The following HNF4G variants were observed in gnomAD, a reference collection of about 807,000 sequenced individuals.
The protein encoded by HNF4G is hepatocyte nuclear factor 4 gamma, also known as hepatocyte nuclear factor 4-gamma.
A neutral mutation model predicts 50.9 loss-of-function variants in HNF4G; 21 were observed. The ratio of observed to expected loss-of-function variants is 0.41; its 90% CI spans 0.29 to 0.59. The LOEUF is 0.59. Ranked by LOEUF, HNF4G falls within the 20% of genes least tolerant of loss-of-function variation. HNF4G has a pLI of 0.26. For missense variants in HNF4G, 527 were observed against 559.4 expected (o/e 0.94, Z 0.58); for synonymous variants, 198 against 185.6 (o/e 1.07, Z -0.54).
Position 75,551,443 on chromosome 8 carries a change from C to T in HNF4G, c.438C>T (p.Ser146=). The change falls in exon 4 of 10, where the codon AGC becomes AGT. Residue 146 remains serine (S), a synonymous_variant. Coordinates refer to ENST00000396423, the MANE Select transcript of HNF4G (RefSeq NM_004133.5). Reference sequence around the variant, plus strand: ...CCAGAAGAAGCACATTTGATGGCAGCAACATCCCCTCCATTAACACACTGG... The same window carrying T: ...CCAGAAGAAGCACATTTGATGGCAGTAACATCCCCTCCATTAACACACTGG... ...ISTRRSTFDG[S]NIPSINTLAQ... 1 of 1,613,350 alleles carries T rather than the reference C, an allele frequency of 6.2e-7. No homozygotes were observed. The highest frequency in any genetic ancestry group is 1.3e-5 in the African/African-American group (1 of 74,980).
At chr8:75,536,483 G>GAATT (rs1437123264), upstream of HNF4G, among the ~76,000 whole-genome samples, 2 of 151,822 alleles carry the variant, frequency 1.3e-5, no homozygotes, top group East Asian at 3.9e-4. Context: ...TTAATCTAAT[G>GAATT]TAGCCTTAAT....
Position 75,559,092 on chromosome 8 carries a change from T to A in HNF4G, c.1123+55T>A, listed in dbSNP as rs1432227072. ...TGATTAGAATCACACTAAATATAAG[T>A]TTGACCTACTGATTTTTTTGTCCAT... On this transcript the variant is annotated intron_variant, in intron 8 of 9. Transcript: ENST00000396423. The A allele has an allele frequency of 2.7e-6, 3 of 1,127,826 alleles. No homozygotes were observed. The East Asian group carries it at 7.0e-5, about 26-fold the overall frequency. 69.9% of individuals were successfully genotyped at this position (1,127,826 alleles called of 1,614,324 possible). A position where few individuals can be genotyped will look rare whatever the true frequency, so the allele number is the denominator to read the frequency against.
intron 2 of HNF4G, 121 bp downstream of exon 2, chr8:75,544,100 A>G (rs552042691): frequency 2.5e-6 from 2 of 810,120 alleles, no homozygotes; most frequent in Non-Finnish European, 3.8e-6. Flanking sequence ...ACAATCTCTA[A>G]ACTGCGGTAC....
At chr8:75,559,741 C>T (rs1231415334) in intron 8 of HNF4G, among the ~76,000 whole-genome samples, 1 of 152,076 alleles carries the variant, frequency 6.6e-6, no homozygotes, top group Non-Finnish European at 1.5e-5. Flanking sequence ...CTCAAGGATA[C>T]TGGAATTGCA....
intron 1 of HNF4G, among the ~76,000 whole-genome samples, chr8:75,475,580 T>C (rs1379464862): frequency 6.6e-6 from 1 of 152,210 alleles, no homozygotes; most frequent in Non-Finnish European, 1.5e-5. Flanking sequence ...GGTCCATCAT[T>C]TAAGTCTCAG....
chr8:75,561,796 C>T (rs1340825685), intron 9 of HNF4G, among the ~76,000 whole-genome samples: 2 of 152,096 alleles, frequency 1.3e-5, no homozygotes, highest in East Asian at 1.9e-4. Flanking sequence ...GCAGTGAGGG[C>T]TGCTTATGAA....
chr8:75,465,114 A>G (rs1438654176), intron 1 of HNF4G, among the ~76,000 whole-genome samples: 1 of 152,186 alleles, frequency 6.6e-6, no homozygotes, highest in Admixed American at 6.5e-5. Context: ...AGATGTCAGT[A>G]AGGGATGATA....
At chr8:75,540,193 G>A in intron 1 of HNF4G, 113 bp downstream of exon 1, 1 of 631,954 alleles carries the variant, frequency 1.6e-6, no homozygotes, top group Non-Finnish European at 2.8e-6. Flanking sequence ...AGAGTTTAGG[G>A]CTTGCTTTTA....
At chr8:75,444,028 G>A (rs1171886489) in intron 1 of HNF4G, among the ~76,000 whole-genome samples, 4 of 152,168 alleles carry the variant, frequency 2.6e-5, no homozygotes, top group Admixed American at 2.0e-4. Context: ...CAGCCAGAGA[G>A]AAAGGTCGGG....
intron 1 of HNF4G, among the ~76,000 whole-genome samples, chr8:75,540,849 GTA>G (rs1366589405): frequency 4.8e-5 from 6 of 125,324 alleles, no homozygotes; most frequent in African/African-American, 6.6e-5. Flanking sequence ...TGGAAAATGT[GTA>G]TGTGTGTGTG....
intron 2 of HNF4G, among the ~76,000 whole-genome samples, chr8:75,506,481 T>C (rs550183537): frequency 1.4e-4 from 21 of 152,270 alleles, no homozygotes; most frequent in Middle Eastern, 3.4e-3. Flanking sequence ...TATTTAAATG[T>C]ACATGGGGAG....
upstream of HNF4G, among the ~76,000 whole-genome samples, chr8:75,536,131 A>G (rs993966161): frequency 1.3e-5 from 2 of 151,952 alleles, no homozygotes; most frequent in African/African-American, 4.8e-5. Flanking sequence ...ACTAAGTAAA[A>G]GTAATGTTTT....
chr8:75,523,081 C>T (rs190523862), intron 2 of HNF4G, among the ~76,000 whole-genome samples: 35 of 151,984 alleles, frequency 2.3e-4, no homozygotes, highest in African/African-American at 6.5e-4. Context: ...GAAAATTAGC[C>T]GAGCTTGGTG....
chr8:75,547,123 A>G (rs1359904662), intron 2 of HNF4G, among the ~76,000 whole-genome samples: 1 of 152,164 alleles, frequency 6.6e-6, no homozygotes, highest in African/African-American at 2.4e-5. Context: ...CTCTTAATAG[A>G]TAATTTGCCA....
intron 1 of HNF4G, among the ~76,000 whole-genome samples, chr8:75,466,810 A>C (rs2130621856): frequency 6.6e-6 from 1 of 152,036 alleles, no homozygotes; most frequent in Admixed American, 6.6e-5. Context: ...CAGCCTTCCA[A>C]GTAGCTGGGA....
intron 1 of HNF4G, among the ~76,000 whole-genome samples, chr8:75,436,420 G>T (rs774949347): frequency 2.0e-5 from 3 of 152,058 alleles, no homozygotes; most frequent in Non-Finnish European, 4.4e-5. Context: ...TTATTACAAC[G>T]TATTGTTAGT....
chr8:75,541,263 A>G (rs1052019157), intron 1 of HNF4G, among the ~76,000 whole-genome samples: 3 of 152,124 alleles, frequency 2.0e-5, no homozygotes, highest in South Asian at 4.1e-4. Flanking sequence ...ACGATTTTGT[A>G]TGGCTATATC....
intron 1 of HNF4G, among the ~76,000 whole-genome samples, chr8:75,473,252 G>A (rs955948905): frequency 2.0e-5 from 3 of 151,266 alleles, no homozygotes; most frequent in Admixed American, 6.6e-5. Flanking sequence ...AGCCGAGATC[G>A]CCCCACTGCA....
chr8:75,494,957 AG>A, intron 2 of HNF4G, among the ~76,000 whole-genome samples: 1 of 152,302 alleles, frequency 6.6e-6, no homozygotes, highest in East Asian at 1.9e-4. Context: ...GAAACTATAT[AG>A]TTTCATAGTT....
Sources: gnomAD v4.1 joint callset for allele counts (sites outside exome capture counted in the v4.1 genomes callset) on GRCh38, gnomAD v4.1.1 for gene constraint, MANE v1.5 for transcripts, NCBI Gene and HGNC (gene_info 2026-07-23, HGNC 2026-07-21) for gene names.